The following RAP1GAP2 variants were observed in gnomAD, a reference collection of about 807,000 sequenced individuals.
The protein encoded by RAP1GAP2 is RAP1 GTPase activating protein 2.
In RAP1GAP2, 27 loss-of-function variants were observed where a neutral mutation model predicts 95.0. The observed-to-expected ratio is 0.28, with a 90% CI of 0.21 to 0.39. RAP1GAP2 has a LOEUF of 0.39. Among genes scored for constraint, RAP1GAP2 ranks in the 10% least tolerant of loss-of-function variants. RAP1GAP2 has a pLI of 1.00. For missense variants in RAP1GAP2, 771 were observed against 970.0 expected (o/e 0.79, Z 2.72); for synonymous variants, 373 against 380.9 (o/e 0.98, Z 0.24).
At chr17:2,861,858 G>A (rs1211172632) in intron 2 of RAP1GAP2, among the ~76,000 whole-genome samples, 1 of 152,134 alleles carries the variant, frequency 6.6e-6, no homozygotes, top group East Asian at 1.9e-4. Context: ...GTTTCACCAT[G>A]TTGGCCAGGC....
intron 1 of RAP1GAP2, among the ~76,000 whole-genome samples, chr17:2,782,915 G>A (rs997654015): frequency 6.6e-6 from 1 of 152,186 alleles, no homozygotes; most frequent in Non-Finnish European, 1.5e-5. Flanking sequence ...TACTTTGGAG[G>A]CTGAGGCAGG....
intron 18 of RAP1GAP2, among the ~76,000 whole-genome samples, chr17:3,019,605 A>G (rs975819295): frequency 1.3e-5 from 2 of 152,246 alleles, no homozygotes; most frequent in Non-Finnish European, 2.9e-5. Flanking sequence ...CATACTCACC[A>G]TGGAACTAAT....
intron 3 of RAP1GAP2, among the ~76,000 whole-genome samples, chr17:2,923,667 T>C (rs978766875): frequency 6.7e-6 from 1 of 150,076 alleles, no homozygotes; most frequent in African/African-American, 2.4e-5. Flanking sequence ...GTTTTTTTTT[T>C]GTGTGTGTGC....
rs137967570 is a variant in RAP1GAP2 at position 2,920,842 on chromosome 17, G to A, written c.165+15474G>A. The stretch of plus-strand genomic sequence containing the variant: ...TCCACTGAGACCGGCTCAGCAGCGG[G>A]ATGCTGCCAGATTCTGTGTTCTGCC... On this transcript the variant is annotated intron_variant, in intron 3 of 24. Transcript: ENST00000254695. 2.6e-5 allele frequency among the ~76,000 whole-genome samples: 4 copies of A among 152,306 alleles called. No homozygotes were observed. In the East Asian group the frequency reaches 7.7e-4, roughly 29 times the overall value.
At chr17:2,856,933 T>C (rs2072163529) in intron 2 of RAP1GAP2, among the ~76,000 whole-genome samples, 1 of 152,246 alleles carries the variant, frequency 6.6e-6, no homozygotes, top group East Asian at 1.9e-4. Flanking sequence ...TCTCTGTATC[T>C]GGAGTTTCTT....
chr17:2,820,903 T>TTTTTTTTTTTTTTTTTTTTG (rs1567678183), intron 2 of RAP1GAP2, among the ~76,000 whole-genome samples: 1 of 145,866 alleles, frequency 6.9e-6, no homozygotes, highest in Non-Finnish European at 1.5e-5. Context: ...TTTTTTTTTT[T>TTTTTTTTTTTTTTTTTTTTG]TTTTTTGTAT....
At chr17:2,991,568 G>A (rs2045752478) in intron 12 of RAP1GAP2, among the ~76,000 whole-genome samples, 171 bp downstream of exon 12, 3 of 150,054 alleles carry the variant, frequency 2.0e-5, no homozygotes. Flanking sequence ...GGGGTCCAAG[G>A]AGTGATCCAG....
intron 1 of RAP1GAP2, among the ~76,000 whole-genome samples, chr17:2,798,618 C>G (rs1258304555): frequency 1.7e-5 from 2 of 119,960 alleles, no homozygotes; most frequent in African/African-American, 6.5e-5. Flanking sequence ...TGGATAACCT[C>G]TGGCACCAGG....
In RAP1GAP2 at chr17:2,777,990, C is replaced by T. The variant is rs1177032276; in HGVS notation, c.-14+712C>T. ...GCGGGGAGGCTGGGAGGCTGGGAGG[C>T]GGGGAGGCTGGGAGGCTGGGAGGCG... On this transcript the variant is annotated intron_variant, in intron 1 of 24. Transcript: ENST00000540393. Among the ~76,000 whole-genome samples, 9 of 98,392 alleles carry T rather than the reference C, an allele frequency of 9.1e-5. No homozygotes were observed. The East Asian group carries it at 1.2e-3, about 14-fold the overall frequency. 64.5% of individuals were successfully genotyped at this position (98,392 alleles called of 152,430 possible). A position where few individuals can be genotyped will look rare whatever the true frequency, so the allele number is the denominator to read the frequency against.
intron 3 of RAP1GAP2, among the ~76,000 whole-genome samples, chr17:2,914,794 CTTT>C (rs1351771209): frequency 2.5e-5 from 3 of 120,258 alleles, no homozygotes; most frequent in African/African-American, 3.1e-5. Flanking sequence ...CCGGCCACTT[CTTT>C]TTTTTTTTTT....
chr17:2,928,064 T>C (rs2043025229), intron 3 of RAP1GAP2, among the ~76,000 whole-genome samples: 1 of 46,614 alleles, frequency 2.1e-5, no homozygotes, highest in Non-Finnish European at 5.6e-5. Flanking sequence ...TGCTTGCTGA[T>C]CCCCCAGCAA....
At chr17:2,831,130 T>A (rs988738961) in intron 2 of RAP1GAP2, among the ~76,000 whole-genome samples, 2 of 81,994 alleles carry the variant, frequency 2.4e-5, no homozygotes, top group Non-Finnish European at 5.0e-5. Flanking sequence ...CAGGCTGGAG[T>A]GCAGTGGTGT....
intron 8 of RAP1GAP2, among the ~76,000 whole-genome samples, chr17:2,978,978 T>C (rs1201083967): frequency 1.3e-5 from 2 of 150,300 alleles, no homozygotes; most frequent in East Asian, 3.9e-4. Context: ...CGAAACTCTG[T>C]CTCAAATAGA....
chr17:2,877,101 C>T (rs2073127623), intron 2 of RAP1GAP2, among the ~76,000 whole-genome samples: 1 of 151,918 alleles, frequency 6.6e-6, no homozygotes. Flanking sequence ...GTTGCTCAGG[C>T]TGGTCTCGAA....
At position 2,904,328 on chromosome 17, in the gene RAP1GAP2, C is replaced by T. The variant is rs951742102; in HGVS notation, c.81-956C>T. Among the ~76,000 whole-genome samples, 2 of 152,102 alleles carry T rather than the reference C, an allele frequency of 1.3e-5. No individual in the cohort carries two copies. The highest frequency in any genetic ancestry group is 2.9e-5 in the Non-Finnish European group (2 of 68,012). On this transcript the variant is annotated intron_variant, in intron 2 of 24. Coordinates refer to ENST00000254695, the MANE Select transcript of RAP1GAP2 (RefSeq NM_015085.5). This position sits in a 1 kb window ranked among gnomAD's most constrained non-coding sequence, Gnocchi z 4.7. ...TGCTTGGTGATGGGACCGCACACAG[C>T]ACTCCCCGGTCACCAGCGAGGGCCA...
chr17:2,884,109 CACAG>C (rs1454187602), intron 2 of RAP1GAP2, among the ~76,000 whole-genome samples: 1 of 152,140 alleles, frequency 6.6e-6, no homozygotes, highest in Non-Finnish European at 1.5e-5. Flanking sequence ...ATGCATGGGG[CACAG>C]GGTGTGGTCT....
At position 2,840,423 on chromosome 17, in the gene RAP1GAP2, A is replaced by G. The variant is rs545401925; in HGVS notation, c.80+39873A>G. Among the ~76,000 whole-genome samples, 11 of 152,184 alleles carry G rather than the reference A, an allele frequency of 7.2e-5. No individual in the cohort carries two copies. In the East Asian group the frequency reaches 1.7e-3, roughly 24 times the overall value. The stretch of plus-strand genomic sequence containing the variant: ...GGTGATCCGCCCACCTTGGCCTCCC[A>G]AAGTGTTGGGATTACAGGCGTGAGC... On this transcript the variant is annotated intron_variant, in intron 2 of 24. Transcript: ENST00000254695.
At chr17:3,020,009 C>T (rs1010738015) in intron 18 of RAP1GAP2, among the ~76,000 whole-genome samples, 2 of 152,214 alleles carry the variant, frequency 1.3e-5, no homozygotes, top group South Asian at 2.1e-4. Context: ...GGAACGCCTG[C>T]GCGGCTCCAT....
At chr17:2,766,749 C>T (rs942931286) in intron 1 of RAP1GAP2, among the ~76,000 whole-genome samples, 5 of 152,310 alleles carry the variant, frequency 3.3e-5, no homozygotes, top group South Asian at 2.1e-4. Flanking sequence ...CAGGCACTGG[C>T]GCCTCAACCT....
Sources: gnomAD v4.1 joint callset for allele counts (sites outside exome capture counted in the v4.1 genomes callset) on GRCh38, gnomAD v4.1.1 for gene constraint, Gnocchi (gnomAD v3.1) non-coding constraint, MANE v1.5 for transcripts, NCBI Gene and HGNC (gene_info 2026-07-23, HGNC 2026-07-21) for gene names.